The following WDR6 variants were observed in gnomAD, a reference collection of about 807,000 sequenced individuals.
WDR6 encodes the protein WD repeat domain 6, also known as tRNA (34-2'-O)-methyltransferase regulator WDR6.
WDR6 carries 58 observed loss-of-function variants against 85.6 expected under a neutral mutation model. The ratio of observed to expected loss-of-function variants is 0.68; its 90% CI spans 0.55 to 0.84. The LOEUF (loss-of-function observed/expected upper bound fraction) is 0.84. Ranked by LOEUF, WDR6 falls within the 40% of genes least tolerant of loss-of-function variation. The probability of loss-of-function intolerance (pLI) is 0.00; values close to 1 mark genes in which losing one functional copy is unlikely to be tolerated. For missense variants in WDR6, 1,310 were observed against 1,476.4 expected, an observed-to-expected ratio of 0.89 and a Z score of 1.85; for synonymous variants, 569 against 582.2, an observed-to-expected ratio of 0.98 and a Z score of 0.33.
chr3:49,014,201 T>C lies in WDR6; in HGVS notation c.2583-9T>C, dbSNP rs1403977895. 1.9e-6 allele frequency: 3 copies of C among 1,614,004 alleles called. No homozygotes were observed. The highest frequency in any genetic ancestry group is 1.7e-6 in the Non-Finnish European group (2 of 1,180,016). ...GGCTCCACCTGACAGCTGCATGTTG[T>C]CTCTGCAGGTACATGTCCCTTGCTG... On this transcript the variant is annotated splice_polypyrimidine_tract_variant and intron_variant, in intron 2 of 5. Transcript: ENST00000608424. This position sits in a 1 kb window ranked among gnomAD's most constrained non-coding sequence, Gnocchi z 4.9.
rs747308797 is a variant in WDR6, at chr3:49,014,734, G to A, written c.2902+16G>A. 4 of 1,612,302 alleles carry A rather than the reference G, an allele frequency of 2.5e-6. No homozygotes were observed. In the South Asian group the frequency reaches 4.4e-5, roughly 18 times the overall value. ...CTTCCCTACCGTGAGTAGCTAATGT[G>A]CAACCATGGCTACCCCTCCTCACCT... On this transcript the variant is annotated intron_variant, in intron 5 of 5. Coordinates refer to ENST00000608424, the MANE Select transcript of WDR6 (RefSeq NM_018031.6). This position sits in a 1 kb window ranked among gnomAD's most constrained non-coding sequence, Gnocchi z 4.9.
Position 49,007,453 on chromosome 3 carries a change from G to T in WDR6, c.22G>T (p.Val8Phe), listed in dbSNP as rs746798541. 4 of 1,612,500 alleles carry T rather than the reference G, an allele frequency of 2.5e-6. No homozygotes were observed. The highest frequency in any genetic ancestry group is 3.4e-6 in the Non-Finnish European group (4 of 1,179,230). MDALEDYVWPRATSELIL... is the reference protein window; with the variant it reads MDALEDYFWPRATSELIL... ...CGACATGGACGCTCTCGAGGACTAC[G>T]TTTGGCCGCGGGCAACCTCGGAGCT... is the stretch of plus-strand genomic sequence containing the variant. Residue 8 changes from valine (V) to phenylalanine (F), a missense_variant, in exon 1 of 6, where the codon GTT becomes TTT. By Grantham distance (50) the Val-to-Phe change is conservative. Coordinates refer to ENST00000608424, the MANE Select transcript of WDR6 (RefSeq NM_018031.6). This position sits in a 1 kb window ranked among gnomAD's most constrained non-coding sequence, Gnocchi z 5.1.
rs1243446365 is a variant in WDR6 at position 49,015,224 on chromosome 3, C to CTGAG, written c.3304_3307dup (p.Phe1103Ter). 5.6e-6 allele frequency: 9 copies of CTGAG among 1,613,632 alleles called. No homozygotes were observed. The highest frequency in any genetic ancestry group is 5.5e-5 in the South Asian group (5 of 91,092). On this transcript the variant is annotated frameshift_variant, in exon 6 of 6. Coordinates refer to ENST00000608424, the MANE Select transcript of WDR6 (RefSeq NM_018031.6). LOFTEE classifies it high-confidence loss of function. ...GACATGGACTGCTGGCCTGTGAGCC[C>CTGAG]TGAGTTTGGCCACCGTTGTGCCCTT...
rs761248457 is a variant in WDR6, at chr3:49,013,580, C to T, written c.2046C>T (p.Tyr682=). ...TCAAGGATGGGGATGTCATGCTGTA[C>T]AGGGCTCTGGGTGGCTGCACCCGGC... ...AYLKDGDVML[Y]RALGGCTRPH... The change falls in exon 2 of 6, where the codon TAC becomes TAT. Residue 682 remains tyrosine (Y), a synonymous_variant. Transcript: ENST00000608424. The surrounding 1 kb of genome is among the most constrained non-coding windows in gnomAD (Gnocchi z 4.6). 19 of 1,613,964 alleles carry T rather than the reference C, an allele frequency of 1.2e-5. No individual in the cohort carries two copies. The African/African-American group carries it at 2.1e-4, about 18-fold the overall frequency.
At position 49,012,846 on chromosome 3, in the gene WDR6, G is replaced by T. The variant is rs1473664844; in HGVS notation, c.1312G>T (p.Val438Leu). 1 of 1,613,780 alleles carries T rather than the reference G, an allele frequency of 6.2e-7. No homozygotes were observed. The highest frequency in any genetic ancestry group is 1.1e-5 in the South Asian group (1 of 91,064). ...AVDQTLFPGK[V>L]HSLSWALRGY... ...GGACCAGACCCTGTTTCCTGGGAAG[G>T]TGCACAGCTTGAGCTGGGCCCTGCG... Residue 438 changes from valine to leucine, a missense_variant, in exon 2 of 6, where the codon GTG (valine) becomes TTG (leucine). Transcript: ENST00000608424. This position sits in a 1 kb window ranked among gnomAD's most constrained non-coding sequence, Gnocchi z 4.4.
rs754192348 is a variant in WDR6 at position 49,015,137 on chromosome 3, G to A, written c.3215G>A (p.Arg1072His). The A allele has an allele frequency of 1.1e-5, 17 of 1,613,810 alleles. No homozygotes were observed. The highest frequency in any genetic ancestry group is 2.7e-5 in the African/African-American group (2 of 74,932). The change falls in exon 6 of 6, where the codon CGT becomes CAT. Residue 1072 changes from arginine to histidine, a missense_variant. By Grantham distance (29) the Arg-to-His change is conservative (BLOSUM62 0). Transcript: ENST00000608424. ...ATTGATCAACGGCTGACCTTCTGGC[G>A]TCTGGGGCATGGTGAACCCACCTTC... ...ASIDQRLTFW[R>H]LGHGEPTFMN... is the part of the protein sequence containing the mutation.
Position 49,015,685 on chromosome 3 carries a change from C to G in WDR6, c.*397C>G, listed in dbSNP as rs199790792. Reference sequence around the variant, plus strand: ...AAGCTGCAGGCGGACGAACATCTGACCAAAGAGGTGTGGTCGAGGCTCCTG... The same window carrying G: ...AAGCTGCAGGCGGACGAACATCTGAGCAAAGAGGTGTGGTCGAGGCTCCTG... On this transcript the variant is annotated 3_prime_UTR_variant, in exon 6 of 6. Transcript: ENST00000608424. 1.0e-4 allele frequency: 162 copies of G among 1,613,996 alleles called. No individual in the cohort carries two copies. Among genetic ancestry groups the G allele is most frequent in the Non-Finnish European group, 1.3e-4 (158 of 1,180,030 alleles).
At position 49,014,284 on chromosome 3, in the gene WDR6, G is replaced by A. The variant is rs770914480; in HGVS notation, c.2657G>A (p.Gly886Glu). The A allele has an allele frequency of 2.5e-6, 4 of 1,614,116 alleles. No homozygotes were observed. The Admixed American group carries it at 6.7e-5, about 27-fold the overall frequency. ...GPLVAAACSD[G>E]AVRLFLLQDS... ...CTTGTGGCTGCAGCCTGTAGTGATG[G>A]GGCCGTAAGGTGAGAGCATAGGGCC... The change falls in exon 3 of 6, where the codon GGG (glycine) becomes GAG (glutamate). Residue 886 changes from glycine to glutamate, a missense_variant. Physicochemically the swap from Gly to Glu is moderately conservative, Grantham distance 98. Transcript: ENST00000608424. This position sits in a 1 kb window ranked among gnomAD's most constrained non-coding sequence, Gnocchi z 4.9.
rs368760845 is a variant in WDR6, at chr3:49,013,469, C to G, written c.1935C>G (p.His645Gln). ...TTGTGGTGTGGAACCCTCGGTCACA[C>G]GAGAAGCTGCACATCGTCAACTGTG... ...NEFVVWNPRS[H>Q]EKLHIVNCGG... Residue 645 changes from histidine (H) to glutamine (Q), a missense_variant, in exon 2 of 6, where the codon CAC becomes CAG. By Grantham distance (24) the His-to-Gln change is conservative. Coordinates refer to ENST00000608424, the MANE Select transcript of WDR6 (RefSeq NM_018031.6). The surrounding 1 kb of genome is among the most constrained non-coding windows in gnomAD (Gnocchi z 4.6). 3 of 1,614,098 alleles carry G rather than the reference C, an allele frequency of 1.9e-6. No homozygotes were observed. The Admixed American group carries it at 5.0e-5, about 27-fold the overall frequency.
rs1426586418 is a variant in WDR6 at position 49,010,054 on chromosome 3, AAGTG to A, written c.101-1578_101-1575del. Among the ~76,000 whole-genome samples the A allele has an allele frequency of 2.6e-5, 4 of 151,868 alleles. No homozygotes were observed. The South Asian group carries it at 6.2e-4, about 24-fold the overall frequency. On this transcript the variant is annotated intron_variant, in intron 1 of 5. Transcript: ENST00000608424. ...TATTTTTTTTTTAATTAAAAAAAAA[AAGTG>A]AGGTGAGGAGGAGGCTCTGAGTTTG...
At chr3:49,008,751 T>C (rs1559894224) in intron 1 of WDR6, among the ~76,000 whole-genome samples, 2 of 152,320 alleles carry the variant, frequency 1.3e-5, no homozygotes, top group South Asian at 2.1e-4. Context: ...GGAGAACCTA[T>C]TGAAGGGTTT....
In WDR6 at chr3:49,015,470, C is replaced by T; in HGVS notation, c.*182C>T. ...GTGCTGCCAAGAATATGCCCGACTC[C>T]CCATGACAAGACAGAACTTTGTAAC... On this transcript the variant is annotated 3_prime_UTR_variant, in exon 6 of 6. Coordinates refer to ENST00000608424, the MANE Select transcript of WDR6 (RefSeq NM_018031.6). The T allele has an allele frequency of 6.6e-7, 1 of 1,513,494 alleles. No homozygotes were observed. Among genetic ancestry groups the T allele is most frequent in the Non-Finnish European group, 9.0e-7 (1 of 1,106,864 alleles). 93.8% of individuals were successfully genotyped at this position (1,513,494 alleles called of 1,614,324 possible). A position where few individuals can be genotyped will look rare whatever the true frequency, so the allele number is the denominator to read the frequency against.
Position 49,014,524 on chromosome 3 carries a change from T to G in WDR6, c.2783+25T>G. 6.2e-7 allele frequency: 1 copy of G among 1,613,832 alleles called. No individual in the cohort carries two copies. The highest frequency in any genetic ancestry group is 8.5e-7 in the Non-Finnish European group (1 of 1,179,850). ...GGTGAGAGGGGCTGGATGATGGTCC[T>G]GCATGGGCTGGGTTGGGGGGTTCCT... On this transcript the variant is annotated intron_variant, in intron 4 of 5. Coordinates refer to ENST00000608424, the MANE Select transcript of WDR6 (RefSeq NM_018031.6). The surrounding 1 kb of genome is among the most constrained non-coding windows in gnomAD (Gnocchi z 4.9).
At position 49,014,669 on chromosome 3, in the gene WDR6, C is replaced by A; in HGVS notation, c.2853C>A (p.Asp951Glu). Residue 951 changes from aspartate to glutamate, a missense_variant, in exon 5 of 6, where the codon GAC becomes GAA. Physicochemically the swap from Asp to Glu is conservative, Grantham distance 45 (BLOSUM62 2). Transcript: ENST00000608424. This position sits in a 1 kb window ranked among gnomAD's most constrained non-coding sequence, Gnocchi z 4.9. Reference sequence around the variant, plus strand: ...TCTGGGATCTCACCACCATGCTAGACCATGACTCCACTGTCCTGGAGCCTC... The same window carrying A: ...TCTGGGATCTCACCACCATGCTAGAACATGACTCCACTGTCCTGGAGCCTC... ...LAFWDLTTML[D>E]HDSTVLEPPV... 6.2e-7 allele frequency: 1 copy of A among 1,613,596 alleles called. No homozygotes were observed. Among genetic ancestry groups the A allele is most frequent in the South Asian group, 1.1e-5 (1 of 91,082 alleles).
chr3:49,012,463 A>G lies in WDR6; in HGVS notation c.929A>G (p.Gln310Arg), dbSNP rs771340191. 2.5e-6 allele frequency: 4 copies of G among 1,614,172 alleles called. No homozygotes were observed. In the Admixed American group the frequency reaches 6.7e-5, roughly 27 times the overall value. ...GIRAIAAHER[Q>R]AWVITGGDDS... ...CGGGCCATAGCTGCCCATGAGAGGCAGGCCTGGGTGATCACTGGGGGTGAT... is the reference window on the plus strand; with the variant it reads ...CGGGCCATAGCTGCCCATGAGAGGCGGGCCTGGGTGATCACTGGGGGTGAT... The change falls in exon 2 of 6, where the codon CAG becomes CGG. Residue 310 changes from glutamine to arginine, a missense_variant. Gln to Arg is a conservative substitution (Grantham distance 43). Coordinates refer to ENST00000608424, the MANE Select transcript of WDR6 (RefSeq NM_018031.6). The surrounding 1 kb of genome is among the most constrained non-coding windows in gnomAD (Gnocchi z 4.4).
Position 49,013,090 on chromosome 3 carries a change from C to T in WDR6, c.1556C>T (p.Pro519Leu), listed in dbSNP as rs904274223. 4 of 1,610,234 alleles carry T rather than the reference C, an allele frequency of 2.5e-6. No individual in the cohort carries two copies. In the South Asian group the frequency reaches 4.4e-5, roughly 18 times the overall value. ...GDRRGSVLLF[P>L]SRPGLLKDPG... Reference sequence around the variant, plus strand: ...CGCCGGGGCTCTGTGCTGCTATTCCCCTCCAGACCAGGTCTGCTCAAGGAC... The same window carrying T: ...CGCCGGGGCTCTGTGCTGCTATTCCTCTCCAGACCAGGTCTGCTCAAGGAC... The change falls in exon 2 of 6, where the codon CCC (proline) becomes CTC (leucine). Residue 519 changes from proline to leucine, a missense_variant. Coordinates refer to ENST00000608424, the MANE Select transcript of WDR6 (RefSeq NM_018031.6). The surrounding 1 kb of genome is among the most constrained non-coding windows in gnomAD (Gnocchi z 4.6).
chr3:49,012,430 G>C lies in WDR6; in HGVS notation c.896G>C (p.Arg299Pro). 6.2e-7 allele frequency: 1 copy of C among 1,614,176 alleles called. No individual in the cohort carries two copies. Among genetic ancestry groups the C allele is most frequent in the Non-Finnish European group, 8.5e-7 (1 of 1,180,026 alleles). ...ILQAFRGHQG[R>P]GIRAIAAHER... The stretch of plus-strand genomic sequence containing the variant: ...CAGGCCTTTCGGGGACACCAGGGAC[G>C]TGGGATCCGGGCCATAGCTGCCCAT... Residue 299 changes from arginine (R) to proline (P), a missense_variant, in exon 2 of 6, where the codon CGT becomes CCT. Physicochemically the swap from Arg to Pro is moderately radical, Grantham distance 103. Coordinates refer to ENST00000608424, the MANE Select transcript of WDR6 (RefSeq NM_018031.6). This position sits in a 1 kb window ranked among gnomAD's most constrained non-coding sequence, Gnocchi z 4.4.
chr3:49,011,528 T>C (rs746254410), intron 1 of WDR6, 107 bp from the exon 2 acceptor site: 8 of 1,612,426 alleles, frequency 5.0e-6, no homozygotes, highest in Non-Finnish European at 5.9e-6. Flanking sequence ...TGTGTCCTGA[T>C]GCATTCATAG....
rs1320421794 is a variant in WDR6 at position 49,007,928 on chromosome 3, G to GGGCGGAGGGAGGAGGA, written c.100+400_100+415dup. 1 of 162,282 alleles carries GGGCGGAGGGAGGAGGA rather than the reference G, an allele frequency of 6.2e-6. No individual in the cohort carries two copies. Among genetic ancestry groups the GGGCGGAGGGAGGAGGA allele is most frequent in the Non-Finnish European group, 1.3e-5 (1 of 74,398 alleles). The allele number at this position is 162,282 out of a possible 1,614,324, so 10.1% of individuals were successfully genotyped here. On this transcript the variant is annotated intron_variant, in intron 1 of 5. Transcript: ENST00000608424. This position sits in a 1 kb window ranked among gnomAD's most constrained non-coding sequence, Gnocchi z 5.1. ...GAAGGAGACGGGGCCGAGCTGGGGGGGGCGGAGGGAGGAGGAGGAGGAGGA... is the reference window on the plus strand; with the variant it reads ...GAAGGAGACGGGGCCGAGCTGGGGGGGGCGGAGGGAGGAGGAGGCGGAGGGAGGAGGAGGAGGAGGA...
Sources: allele counts gnomAD v4.1 joint callset (sites outside exome capture counted in the v4.1 genomes callset), GRCh38; gene constraint gnomAD v4.1.1; non-coding constraint Gnocchi (gnomAD v3.1); transcripts MANE v1.5; gene names NCBI Gene and HGNC (gene_info 2026-07-23, HGNC 2026-07-21).